The following GAN variants were observed in gnomAD, a reference collection of about 807,000 sequenced individuals.
GAN encodes epididymis secretory sperm binding protein.
Under a neutral mutation model 71.3 loss-of-function variants are expected in GAN, and 48 were observed. That is an observed-to-expected ratio of 0.67 (90% CI 0.53 to 0.86). The LOEUF (loss-of-function observed/expected upper bound fraction) is 0.86, where lower values mean the gene tolerates loss of function less well. Ranked by LOEUF, GAN falls within the 40% of genes least tolerant of loss-of-function variation. The pLI is 0.00. For synonymous variants in GAN, 386 were observed against 276.8 expected, an observed-to-expected ratio of 1.39 and a Z score of -3.92; for missense variants, 928 against 770.1, an observed-to-expected ratio of 1.21 and a Z score of -2.43.
intron 9 of GAN, among the ~76,000 whole-genome samples, chr16:81,376,381 A>T (rs1183030313): frequency 1.3e-5 from 2 of 151,434 alleles, no homozygotes; most frequent in Admixed American, 6.6e-5. Flanking sequence ...GCATTTTAGG[A>T]TGCTGAGGTG....
chr16:81,360,445 G>A (rs1910637314), intron 5 of GAN, among the ~76,000 whole-genome samples: 5 of 151,992 alleles, frequency 3.3e-5, no homozygotes, highest in Admixed American at 2.6e-4. Context: ...CTCTTCTCTG[G>A]TGTGTATTTA....
At chr16:81,371,119 GTTAT>G (rs201451035) in intron 9 of GAN, among the ~76,000 whole-genome samples, 5 of 149,248 alleles carry the variant, frequency 3.4e-5, no homozygotes, top group East Asian at 1.9e-4. Context: ...ATTTATGTTA[GTTAT>G]TTATTTATGT....
chr16:81,360,036 T>C (rs1910620763), intron 5 of GAN, among the ~76,000 whole-genome samples: 1 of 131,288 alleles, frequency 7.6e-6, no homozygotes, highest in African/African-American at 2.9e-5. Flanking sequence ...GATGGATGGA[T>C]GGATGGATGG....
intron 1 of GAN, among the ~76,000 whole-genome samples, chr16:81,328,754 G>C (rs1228790399): frequency 6.6e-6 from 1 of 150,850 alleles, no homozygotes; most frequent in African/African-American, 2.4e-5. Context: ...TTATCTGTTA[G>C]ACTGGATTTT....
Position 81,389,163 on chromosome 16 carries a change from T to G in GAN, c.*11567T>G, listed in dbSNP as rs987836054. 4 of 152,232 alleles carry G rather than the reference T, an allele frequency of 2.6e-5. No individual in the cohort carries two copies. The highest frequency in any genetic ancestry group is 5.9e-5 in the Non-Finnish European group (4 of 68,038). The allele number at this position is 152,232 out of a possible 1,614,324, so 9.4% of individuals were successfully genotyped here. On this transcript the variant is annotated 3_prime_UTR_variant, in exon 11 of 11. Coordinates refer to ENST00000648994, the MANE Select transcript of GAN (RefSeq NM_022041.4). The stretch of plus-strand genomic sequence containing the variant: ...ATTGTGTGTTGGGAAATGTATCAAG[T>G]GACCTTCAGTTAAGAAAAGCACAGG...
chr16:81,338,806 A>C (rs1909850159), intron 1 of GAN, among the ~76,000 whole-genome samples: 1 of 152,212 alleles, frequency 6.6e-6, no homozygotes, highest in African/African-American at 2.4e-5. Context: ...GATAGATTTG[A>C]GTGATGCTTA....
intron 1 of GAN, among the ~76,000 whole-genome samples, chr16:81,333,857 G>A (rs897345703): frequency 3.3e-5 from 5 of 152,150 alleles, no homozygotes; most frequent in Non-Finnish European, 7.4e-5. Flanking sequence ...CTGCATTCCT[G>A]CCTGGTCCAG....
At chr16:81,362,666 T>G in intron 6 of GAN, 55 bp downstream of exon 6, 1 of 956,988 alleles carries the variant, frequency 1.0e-6, no homozygotes, top group South Asian at 1.3e-5. Context: ...CCTTAGCGCT[T>G]CTGTTTGTTT....
chr16:81,349,643 C>A (rs188199590), intron 1 of GAN, among the ~76,000 whole-genome samples: 4 of 152,094 alleles, frequency 2.6e-5, no homozygotes, highest in Admixed American at 2.6e-4. Flanking sequence ...GACCCTGTCT[C>A]AAAAACAAAA....
At chr16:81,344,050 T>G (rs1910035354) in intron 1 of GAN, among the ~76,000 whole-genome samples, 1 of 152,084 alleles carries the variant, frequency 6.6e-6, no homozygotes, top group Admixed American at 6.5e-5. Flanking sequence ...GAATACAACT[T>G]ACAAGGGATG....
At chr16:81,365,260 C>G in intron 8 of GAN, 90 bp from the exon 9 acceptor site, 2 of 1,577,350 alleles carry the variant, frequency 1.3e-6, no homozygotes, top group South Asian at 2.2e-5. Context: ...CGTAGTAATG[C>G]TGCAGAGTTA....
rs560240208 is a variant in GAN, at chr16:81,335,580, C to G, written c.168-16003C>G. Among the ~76,000 whole-genome samples the G allele has an allele frequency of 2.6e-5, 4 of 152,094 alleles. No individual in the cohort carries two copies. The East Asian group carries it at 5.8e-4, about 22-fold the overall frequency. On this transcript the variant is annotated intron_variant, in intron 1 of 10. Transcript: ENST00000648994. ...TGGCCAATGTGGTGAAACCCCATCT[C>G]TACTAAAAATACAAAAATTAGCTGG...
intron 1 of GAN, among the ~76,000 whole-genome samples, chr16:81,346,448 G>T (rs1420732636): frequency 6.6e-6 from 1 of 152,200 alleles, no homozygotes; most frequent in African/African-American, 2.4e-5. Context: ...TGGTGATGGA[G>T]CTTTCCTGCC....
In GAN at chr16:81,380,271, C is replaced by G. The variant is rs948129760; in HGVS notation, c.*2675C>G. On this transcript the variant is annotated 3_prime_UTR_variant, in exon 11 of 11. Transcript: ENST00000648994. ...CTTCTTTCTTGATAAGGCACTTTTA[C>G]CAGGTGTGTGTTGGAATTGGTGGCT... 1 of 152,466 alleles carries G rather than the reference C, an allele frequency of 6.6e-6. No individual in the cohort carries two copies. The highest frequency in any genetic ancestry group is 6.6e-5 in the Admixed American group (1 of 15,260). 9.4% of individuals were successfully genotyped at this position (152,466 alleles called of 1,614,324 possible).
chr16:81,377,341 C>A lies in GAN; in HGVS notation c.1612+13C>A. 6.3e-7 allele frequency: 1 copy of A among 1,580,120 alleles called. No individual in the cohort carries two copies. The highest frequency in any genetic ancestry group is 1.7e-5 in the Admixed American group (1 of 59,948). ...GATCTTGATACAGGTAAGAGTGTTACAGTGATTTTCTTGGAACTGTTTCCT... is the reference window on the plus strand; with the variant it reads ...GATCTTGATACAGGTAAGAGTGTTAAAGTGATTTTCTTGGAACTGTTTCCT... On this transcript the variant is annotated intron_variant, in intron 10 of 10. Transcript: ENST00000648994.
In GAN at chr16:81,326,272, C is replaced by T. The variant is rs141096650; in HGVS notation, c.167+10992C>T. Among the ~76,000 whole-genome samples the T allele has an allele frequency of 2.0e-3, 302 of 151,848 alleles. 2 individuals are homozygous for T. Among genetic ancestry groups the T allele is most frequent in the Non-Finnish European group, 3.0e-3 (205 of 68,000 alleles). ...GTGGCTCAAGCCTATAATCCCAGCA[C>T]TTTGGGAGGCTGAAGCGGGCAGATC... On this transcript the variant is annotated intron_variant, in intron 1 of 10. Transcript: ENST00000648994.
chr16:81,377,574 G>T lies in GAN; in HGVS notation c.1772G>T (p.Arg591Leu). Residue 591 changes from arginine to leucine, a missense_variant, in exon 11 of 11, where the codon CGT (arginine) becomes CTT (leucine). By Grantham distance (102) the Arg-to-Leu change is moderately radical. Transcript: ENST00000648994. ...CTGCAGCTTCAGCAAGGCTTATTCC[G>T]TATTCGTGTTCATTCCCCTTGAGGA... ...FRLQLQQGLF[R>L]IRVHSP The T allele has an allele frequency of 3.7e-6, 6 of 1,614,118 alleles. No homozygotes were observed. Among genetic ancestry groups the T allele is most frequent in the Non-Finnish European group, 5.1e-6 (6 of 1,179,990 alleles).
intron 1 of GAN, among the ~76,000 whole-genome samples, chr16:81,322,526 C>T (rs753714206): frequency 3.3e-5 from 5 of 152,134 alleles, no homozygotes; most frequent in Non-Finnish European, 5.9e-5. Context: ...AATTAAATAT[C>T]TTTGGGGTTT....
chr16:81,364,902 C>A, intron 7 of GAN, 72 bp from the exon 8 acceptor site: 11 of 1,425,074 alleles, frequency 7.7e-6, no homozygotes, highest in Non-Finnish European at 1.1e-5. Context: ...ATGGCCCAGA[C>A]AGTTTAATAT....
Sources: allele counts gnomAD v4.1 joint callset (sites outside exome capture counted in the v4.1 genomes callset), GRCh38; gene constraint gnomAD v4.1.1; transcripts MANE v1.5; gene names NCBI Gene and HGNC (gene_info 2026-07-23, HGNC 2026-07-21).